CRMP1: variants seen among roughly 807,000 people sequenced by gnomAD.
The protein encoded by CRMP1 is collapsin response mediator protein 1.
CRMP1 carries 19 observed loss-of-function variants against 68.3 expected under a neutral mutation model. The ratio of observed to expected loss-of-function variants is 0.28; its 90% CI spans 0.19 to 0.41. The LOEUF is 0.41. Among genes scored for constraint, CRMP1 ranks in the 10% least tolerant of loss-of-function variants. The pLI, the probability that CRMP1 is intolerant of heterozygous loss-of-function variation, is 1.00. For missense variants in CRMP1, 791 were observed against 967.4 expected (o/e 0.82, Z 2.42); for synonymous variants, 439 against 399.6 (o/e 1.10, Z -1.18).
At chr4:5,864,956 G>C (rs1483487051) in intron 2 of CRMP1, among the ~76,000 whole-genome samples, 1 of 150,874 alleles carries the variant, frequency 6.6e-6, no homozygotes, top group Non-Finnish European at 1.5e-5. Flanking sequence ...TTGGGGGGTG[G>C]GCTGGGGGGA....
At chr4:5,856,075 C>G in intron 4 of CRMP1, 68 bp downstream of exon 4, 1 of 1,573,516 alleles carries the variant, frequency 6.4e-7, no homozygotes, top group South Asian at 1.2e-5. Context: ...TTTTTCACTC[C>G]ACATAATCTT....
Position 5,825,364 on chromosome 4 carries a change from G to T in CRMP1, c.1969+130C>A. On this transcript the variant is annotated intron_variant, in intron 13 of 13. Coordinates refer to ENST00000324989, the MANE Select transcript of CRMP1 (RefSeq NM_001014809.3). This position sits in a 1 kb window ranked among gnomAD's most constrained non-coding sequence, Gnocchi z 4.4. ...CCCACCAGTGAGAGCAGGCTCGGGT[G>T]GGGCACACTCCCTTCCCTGCTTCTT... 6.9e-7 allele frequency: 1 copy of T among 1,440,720 alleles called. No individual in the cohort carries two copies. Among genetic ancestry groups the T allele is most frequent in the South Asian group, 1.6e-5 (1 of 60,776 alleles). 89.2% of individuals were successfully genotyped at this position (1,440,720 alleles called of 1,614,324 possible).
In CRMP1 at chr4:5,888,209, G is replaced by C; in HGVS notation, c.381+4380C>G. 1 of 1,260,336 alleles carries C rather than the reference G, an allele frequency of 7.9e-7. No individual in the cohort carries two copies. The allele number at this position is 1,260,336 out of a possible 1,614,324, so 78.1% of individuals were successfully genotyped here. A position where few individuals can be genotyped will look rare whatever the true frequency, so the allele number is the denominator to read the frequency against. ...CCCACAAAGGCCAGCGCGGGGCGGC[G>C]GGGGCGGGGGCCGCTTACCGTGATG... is the stretch of plus-strand genomic sequence containing the variant. On this transcript the variant is annotated intron_variant, in intron 1 of 13. Coordinates refer to ENST00000324989, the MANE Select transcript of CRMP1 (RefSeq NM_001014809.3). This position sits in a 1 kb window ranked among gnomAD's most constrained non-coding sequence, Gnocchi z 6.4.
At chr4:5,827,611 C>T (rs1034841877) in intron 12 of CRMP1, among the ~76,000 whole-genome samples, 11 of 149,970 alleles carry the variant, frequency 7.3e-5, no homozygotes, top group South Asian at 6.3e-4. Context: ...TGCTCGCATA[C>T]ACACACGCGC....
intron 1 of CRMP1, chr4:5,887,248 G>C (rs1715654802): frequency 1.6e-6 from 1 of 640,450 alleles, no homozygotes; most frequent in African/African-American, 2.0e-5. Flanking sequence ...CCCTCTGGCA[G>C]GTGCCCTGCG....
chr4:5,859,046 T>C lies in CRMP1; in HGVS notation c.655+1980A>G, dbSNP rs73797936. ...CTGCCCCTCAGTTCAAAGCACTGTG[T>C]ACCCTTCTTTTGTAGCAGGAGTCAC... On this transcript the variant is annotated intron_variant, in intron 3 of 13. Transcript: ENST00000324989. The surrounding 1 kb of genome is among the most constrained non-coding windows in gnomAD (Gnocchi z 5.2). Among the ~76,000 whole-genome samples the C allele has an allele frequency of 0.024, 3,587 of 150,704 alleles. 145 individuals carry two copies. Among genetic ancestry groups the C allele is most frequent in the African/African-American group, 0.084 (3,413 of 40,780 alleles).
chr4:5,843,242 C>G lies in CRMP1; in HGVS notation c.964-81G>C. ...TGACTCCTCCAACCCCCTGGTTAGA[C>G]AGAGGGGGCAGCTGGGTCCCAAAGA... is the stretch of plus-strand genomic sequence containing the variant. On this transcript the variant is annotated intron_variant, in intron 6 of 13. Transcript: ENST00000324989. The surrounding 1 kb of genome is among the most constrained non-coding windows in gnomAD (Gnocchi z 4.1). 1.4e-6 allele frequency: 2 copies of G among 1,432,922 alleles called. No individual in the cohort carries two copies. The highest frequency in any genetic ancestry group is 2.3e-5 in the East Asian group (1 of 43,958). The allele number at this position is 1,432,922 out of a possible 1,614,324, so 88.8% of individuals were successfully genotyped here. A position where few individuals can be genotyped will look rare whatever the true frequency, so the allele number is the denominator to read the frequency against.
chr4:5,847,194 GT>G (rs2152461726), intron 6 of CRMP1, among the ~76,000 whole-genome samples: 1 of 152,280 alleles, frequency 6.6e-6, no homozygotes, highest in African/African-American at 2.4e-5. Flanking sequence ...ACCACTGCAT[GT>G]TGTATATCAG....
In CRMP1 at chr4:5,889,522, G is replaced by A; in HGVS notation, c.381+3067C>T. The A allele has an allele frequency of 1.3e-6, 2 of 1,517,104 alleles. No individual in the cohort carries two copies. The highest frequency in any genetic ancestry group is 1.8e-6 in the Non-Finnish European group (2 of 1,129,984). The allele number at this position is 1,517,104 out of a possible 1,614,324, so 94.0% of individuals were successfully genotyped here. On this transcript the variant is annotated intron_variant, in intron 1 of 13. Transcript: ENST00000324989. This position sits in a 1 kb window ranked among gnomAD's most constrained non-coding sequence, Gnocchi z 4.5. ...CAGCTTGACAAGGTCCGTAACAGCAGAGGGGAAAAGATGAAAGAAGATGGA... is the reference window on the plus strand; with the variant it reads ...CAGCTTGACAAGGTCCGTAACAGCAAAGGGGAAAAGATGAAAGAAGATGGA...
Position 5,854,395 on chromosome 4 carries a change from CTA to C in CRMP1, c.820+1746_820+1747del, listed in dbSNP as rs1487460323. Among the ~76,000 whole-genome samples the C allele has an allele frequency of 8.4e-6, 1 of 118,686 alleles. No homozygotes were observed. Among genetic ancestry groups the C allele is most frequent in the Non-Finnish European group, 1.7e-5 (1 of 60,198 alleles). 77.9% of individuals were successfully genotyped at this position (118,686 alleles called of 152,430 possible). A position where few individuals can be genotyped will look rare whatever the true frequency, so the allele number is the denominator to read the frequency against. On this transcript the variant is annotated intron_variant, in intron 4 of 13. Transcript: ENST00000324989. The surrounding 1 kb of genome is among the most constrained non-coding windows in gnomAD (Gnocchi z 4.0). ...GGGAGGCGTACACCACCACTCCTGG[CTA>C]TGTTTTTTTTTTTTTTTTTTTTTTT...
In CRMP1 at chr4:5,861,179, C is replaced by T; in HGVS notation, c.502G>A (p.Gly168Arg). 6.2e-7 allele frequency: 1 copy of T among 1,614,136 alleles called. No homozygotes were observed. Among genetic ancestry groups the T allele is most frequent in the Non-Finnish European group, 8.5e-7 (1 of 1,180,000 alleles). The change falls in exon 3 of 14, where the codon GGA (glycine) becomes AGA (arginine). Residue 168 changes from glycine to arginine, a missense_variant. Coordinates refer to ENST00000324989, the MANE Select transcript of CRMP1 (RefSeq NM_001014809.3). This position sits in a 1 kb window ranked among gnomAD's most constrained non-coding sequence, Gnocchi z 6.0. ...CCGTTGGCTTCAATGGTCTTCACTC[C>T]ACCAGGAACGATTAAGTTCTCTCCT... Reference protein sequence around the residue: ...QIGENLIVPGGVKTIEANGRM... With the variant: ...QIGENLIVPGRVKTIEANGRM...
rs1431257330 is a variant in CRMP1, at chr4:5,891,783, C to T, written c.381+806G>A. On this transcript the variant is annotated intron_variant, in intron 1 of 13. Coordinates refer to ENST00000324989, the MANE Select transcript of CRMP1 (RefSeq NM_001014809.3). The surrounding 1 kb of genome is among the most constrained non-coding windows in gnomAD (Gnocchi z 5.2). Reference sequence around the variant, plus strand: ...CCTTCTTCCCCCAGTTTCCTGGTGACCCCCAGCTCAAGAGAGAATACCCGC... The same window carrying T: ...CCTTCTTCCCCCAGTTTCCTGGTGATCCCCAGCTCAAGAGAGAATACCCGC... Among the ~76,000 whole-genome samples, 1 of 152,194 alleles carries T rather than the reference C, an allele frequency of 6.6e-6. No homozygotes were observed. Among genetic ancestry groups the T allele is most frequent in the Non-Finnish European group, 1.5e-5 (1 of 68,038 alleles).
intron 1 of CRMP1, chr4:5,887,748 A>C: frequency 1.0e-6 from 1 of 984,840 alleles, no homozygotes; most frequent in Non-Finnish European, 1.2e-6. Context: ...AAAGGCGGGG[A>C]GTGGGGAGCG....
In CRMP1 at chr4:5,866,549, C is replaced by G. The variant is rs1439480198; in HGVS notation, c.470+119G>C. The stretch of plus-strand genomic sequence containing the variant: ...CCCCAACCTCTGTGAGGTCTCTACC[C>G]CTGAAACACAGGTACACAGCCCCGT... On this transcript the variant is annotated intron_variant, in intron 2 of 13. Coordinates refer to ENST00000324989, the MANE Select transcript of CRMP1 (RefSeq NM_001014809.3). This position sits in a 1 kb window ranked among gnomAD's most constrained non-coding sequence, Gnocchi z 5.9. 1 of 713,290 alleles carries G rather than the reference C, an allele frequency of 1.4e-6. No homozygotes were observed. Among genetic ancestry groups the G allele is most frequent in the Admixed American group, 2.5e-5 (1 of 40,564 alleles). The allele number at this position is 713,290 out of a possible 1,614,324, so 44.2% of individuals were successfully genotyped here.
rs946488692 is a variant in CRMP1 at position 5,860,508 on chromosome 4, C to T, written c.655+518G>A. ...TGCAGCAATACTAATACAACCACTT[C>T]CCAGCTGTGTCTCCTTGGGCAAGTT... is the stretch of plus-strand genomic sequence containing the variant. On this transcript the variant is annotated intron_variant, in intron 3 of 13. Coordinates refer to ENST00000324989, the MANE Select transcript of CRMP1 (RefSeq NM_001014809.3). The surrounding 1 kb of genome is among the most constrained non-coding windows in gnomAD (Gnocchi z 4.2). 6.6e-6 allele frequency among the ~76,000 whole-genome samples: 1 copy of T among 152,204 alleles called. No homozygotes were observed. Among genetic ancestry groups the T allele is most frequent in the Admixed American group, 6.5e-5 (1 of 15,278 alleles).
Position 5,825,851 on chromosome 4 carries a change from A to G in CRMP1, c.1804-192T>C. 1.7e-6 allele frequency: 1 copy of G among 595,774 alleles called. No homozygotes were observed. Among genetic ancestry groups the G allele is most frequent in the South Asian group, 2.2e-5 (1 of 46,440 alleles). The allele number at this position is 595,774 out of a possible 1,614,324, so 36.9% of individuals were successfully genotyped here. A position where few individuals can be genotyped will look rare whatever the true frequency, so the allele number is the denominator to read the frequency against. Reference sequence around the variant, plus strand: ...CAGCCGCACACAGGCATTCATACACACAAGCATGCATACACACACATCTAC... The same window carrying G: ...CAGCCGCACACAGGCATTCATACACGCAAGCATGCATACACACACATCTAC... On this transcript the variant is annotated intron_variant, in intron 12 of 13. Coordinates refer to ENST00000324989, the MANE Select transcript of CRMP1 (RefSeq NM_001014809.3). This position sits in a 1 kb window ranked among gnomAD's most constrained non-coding sequence, Gnocchi z 4.4.
intron 9 of CRMP1, among the ~76,000 whole-genome samples, chr4:5,837,460 T>TAAAA (rs11455180): frequency 8.0e-6 from 1 of 125,034 alleles, no homozygotes; most frequent in African/African-American, 3.1e-5. Flanking sequence ...TTGTCTCTAC[T>TAAAA]AAAAAAAAAA....
chr4:5,847,969 T>C (rs1712343375), intron 6 of CRMP1, among the ~76,000 whole-genome samples: 1 of 152,182 alleles, frequency 6.6e-6, no homozygotes, highest in Non-Finnish European at 1.5e-5. Flanking sequence ...TCCATGCCTC[T>C]GCACCAGAGA....
At position 5,880,529 on chromosome 4, in the gene CRMP1, T is replaced by A. The variant is rs529099273; in HGVS notation, c.381+12060A>T. Reference sequence around the variant, plus strand: ...ACTCCAAGTTCCAACACCAGGTCATTATTTACTCAAGGCCCTGGGCAGAGC... The same window carrying A: ...ACTCCAAGTTCCAACACCAGGTCATAATTTACTCAAGGCCCTGGGCAGAGC... On this transcript the variant is annotated intron_variant, in intron 1 of 13. Transcript: ENST00000324989. Among the ~76,000 whole-genome samples the A allele has an allele frequency of 2.0e-5, 3 of 152,176 alleles. No homozygotes were observed. In the South Asian group the frequency reaches 6.2e-4, roughly 31 times the overall value.
Sources: gnomAD v4.1 joint callset for allele counts (sites outside exome capture counted in the v4.1 genomes callset) on GRCh38, gnomAD v4.1.1 for gene constraint, Gnocchi (gnomAD v3.1) non-coding constraint, MANE v1.5 for transcripts, NCBI Gene and HGNC (gene_info 2026-07-23, HGNC 2026-07-21) for gene names.